The following MSR1 variants were observed in gnomAD, a reference collection of about 807,000 sequenced individuals.
MSR1 encodes macrophage scavenger receptor types I and II.
MSR1 carries 53 observed loss-of-function variants against 47.2 expected under a neutral mutation model. The observed-to-expected ratio is 1.12, with a 90% confidence interval of 0.90 to 1.41. The LOEUF (loss-of-function observed/expected upper bound fraction) is 1.41, where lower values mean the gene tolerates loss of function less well. MSR1 is among the 40% of genes most tolerant of loss of function. The pLI is 0.00. For missense variants in MSR1, 786 were observed against 546.9 expected, an observed-to-expected ratio of 1.44 and a Z score of -4.36; for synonymous variants, 239 against 185.6, an observed-to-expected ratio of 1.29 and a Z score of -2.34.
chr8:16,172,447 A>G (rs73665248), intron 3 of MSR1, among the ~76,000 whole-genome samples: 7,229 of 152,132 alleles, frequency 0.048, 509 homozygotes, highest in African/African-American at 0.15. Flanking sequence ...GAATGCCAGG[A>G]TTTATATTTT....
chr8:16,144,253 G>A (rs1448950052), intron 7 of MSR1, among the ~76,000 whole-genome samples: 1 of 152,006 alleles, frequency 6.6e-6, no homozygotes, highest in Non-Finnish European at 1.5e-5. Flanking sequence ...CCAACGGATT[G>A]CTACTTCACC....
chr8:16,130,147 C>T (rs1427495999), intron 8 of MSR1, among the ~76,000 whole-genome samples: 1 of 152,154 alleles, frequency 6.6e-6, no homozygotes, highest in Non-Finnish European at 1.5e-5. Flanking sequence ...AGGACAAGTG[C>T]TAACTGCTGG....
chr8:16,168,541 A>T lies in MSR1; in HGVS notation c.547T>A (p.Leu183Met). Residue 183 changes from leucine (L) to methionine (M), a missense_variant, in exon 4 of 10, where the codon TTG (leucine) becomes ATG (methionine). By Grantham distance (15) the Leu-to-Met change is conservative. Transcript: ENST00000262101. ...IDEISKSLIS[L>M]NTTLLDLQLN... ...TGCAAATCAAGCAATGTGGTATTCA[A>T]ACTTATTAAGGACTTGGAGATTTCA... 1.2e-6 allele frequency: 2 copies of T among 1,614,146 alleles called. No homozygotes were observed. The highest frequency in any genetic ancestry group is 1.7e-6 in the Non-Finnish European group (2 of 1,180,008).
At chr8:16,141,088 T>C (rs1489298678) in intron 8 of MSR1, 2 of 1,607,470 alleles carry the variant, frequency 1.2e-6, no homozygotes, top group Non-Finnish European at 1.7e-6. Context: ...TTTTAACATA[T>C]TTTCAGAAAG....
At chr8:16,132,354 G>C (rs148064297) in intron 8 of MSR1, among the ~76,000 whole-genome samples, 3,776 of 152,148 alleles carry the variant, frequency 0.025, 149 homozygotes, top group African/African-American at 0.087. Flanking sequence ...CTGAAACTTT[G>C]TTGAAGTTGT....
At chr8:16,149,939 G>C (rs891937101) in intron 7 of MSR1, among the ~76,000 whole-genome samples, 1 of 151,166 alleles carries the variant, frequency 6.6e-6, no homozygotes, top group African/African-American at 2.4e-5. Context: ...TTTTTTAAAC[G>C]ATTTTCCTTT....
chr8:16,119,272 T>C (rs1321234339), intron 9 of MSR1, among the ~76,000 whole-genome samples: 15 of 152,190 alleles, frequency 9.9e-5, no homozygotes, highest in Non-Finnish European at 1.0e-4. Context: ...TCTCACTCTG[T>C]CACCCAGGGT....
intron 1 of MSR1, among the ~76,000 whole-genome samples, chr8:16,190,723 C>CT (rs772816603): frequency 1.4e-5 from 2 of 145,356 alleles, no homozygotes; most frequent in Non-Finnish European, 3.0e-5. Context: ...TTTTTTCTTT[C>CT]TTTCTTTTTG....
intron 1 of MSR1, among the ~76,000 whole-genome samples, chr8:16,182,512 CA>C (rs1388468914): frequency 3.3e-5 from 5 of 151,748 alleles, no homozygotes; most frequent in Admixed American, 6.6e-5. Context: ...TGTAGCTGTA[CA>C]AAAATAATTT....
chr8:16,129,930 T>C (rs1800217176), intron 8 of MSR1, among the ~76,000 whole-genome samples: 1 of 152,114 alleles, frequency 6.6e-6, no homozygotes, highest in African/African-American at 2.4e-5. Context: ...CCTGGAGTTG[T>C]TTCTTCAAAG....
intron 1 of MSR1, among the ~76,000 whole-genome samples, chr8:16,179,156 G>T (rs1019010819): frequency 7.2e-5 from 11 of 152,106 alleles, no homozygotes; most frequent in African/African-American, 2.4e-4. Context: ...TTTTACAGGT[G>T]ACAGAAAATA....
intron 8 of MSR1, among the ~76,000 whole-genome samples, chr8:16,133,186 C>A (rs1800304964): frequency 6.6e-6 from 1 of 152,142 alleles, no homozygotes; most frequent in Non-Finnish European, 1.5e-5. Flanking sequence ...TCAACATAAG[C>A]TCCATCAAGT....
chr8:16,165,485 A>G (rs1801278875), intron 4 of MSR1, among the ~76,000 whole-genome samples: 1 of 152,082 alleles, frequency 6.6e-6, no homozygotes, highest in African/African-American at 2.4e-5. Flanking sequence ...TTGATGAACC[A>G]AATGTTCTCA....
intron 2 of MSR1, among the ~76,000 whole-genome samples, chr8:16,176,627 A>G (rs1386561450): frequency 6.6e-6 from 1 of 152,188 alleles, no homozygotes; most frequent in African/African-American, 2.4e-5. Flanking sequence ...CAGGTTGATT[A>G]AGCCTGAAAA....
At chr8:16,179,363 T>G (rs1248335338) in intron 1 of MSR1, among the ~76,000 whole-genome samples, 1 of 152,164 alleles carries the variant, frequency 6.6e-6, no homozygotes, top group Non-Finnish European at 1.5e-5. Context: ...TCCACAATGT[T>G]TAAATCCATT....
At chr8:16,139,614 A>G (rs1047640162) in intron 8 of MSR1, 9 of 973,466 alleles carry the variant, frequency 9.2e-6, no homozygotes, top group Non-Finnish European at 1.1e-5. Flanking sequence ...GATTTTTAGA[A>G]CAAAAGAATA....
chr8:16,157,641 C>T (rs933163296), intron 5 of MSR1, among the ~76,000 whole-genome samples: 2 of 151,826 alleles, frequency 1.3e-5, no homozygotes, highest in Admixed American at 1.3e-4. Context: ...CTTTTAGATT[C>T]ATTGGGGGAA....
At chr8:16,180,876 C>G (rs1475006504) in intron 1 of MSR1, among the ~76,000 whole-genome samples, 2 of 152,112 alleles carry the variant, frequency 1.3e-5, no homozygotes, top group African/African-American at 2.4e-5. Context: ...ACCAAGGACT[C>G]TGTTCTTTAA....
At chr8:16,135,087 A>G (rs1296561446) in intron 8 of MSR1, among the ~76,000 whole-genome samples, 1 of 152,146 alleles carries the variant, frequency 6.6e-6, no homozygotes. Context: ...AGCTTCAGAA[A>G]ATTGTCCAGA....
Sources: gnomAD v4.1 joint callset for allele counts (sites outside exome capture counted in the v4.1 genomes callset) on GRCh38, gnomAD v4.1.1 for gene constraint, MANE v1.5 for transcripts, NCBI Gene and HGNC (gene_info 2026-07-23, HGNC 2026-07-21) for gene names.